Variants in DNAH7 observed in about 807,000 individuals in gnomAD.
The protein encoded by DNAH7 is dynein axonemal heavy chain 7, also known as axonemal beta dynein heavy chain 7.
In DNAH7, 397 loss-of-function variants were observed where a neutral mutation model predicts 444.6. That is an observed-to-expected ratio of 0.89 (90% CI 0.82 to 0.97). The LOEUF is 0.97. Among genes scored for constraint, DNAH7 ranks in the 50% least tolerant of loss-of-function variants. The probability of loss-of-function intolerance (pLI) is 0.00; values close to 1 mark genes in which losing one functional copy is unlikely to be tolerated. For missense variants in DNAH7, 4,902 were observed against 4,800.8 expected, an observed-to-expected ratio of 1.02 and a Z score of -0.62; for synonymous variants, 1,636 against 1,624.4, an observed-to-expected ratio of 1.01 and a Z score of -0.17.
chr2:195,744,219 C>A (rs1169926612), intron 63 of DNAH7, among the ~76,000 whole-genome samples: 4 of 152,250 alleles, frequency 2.6e-5, no homozygotes, highest in African/African-American at 9.6e-5. Flanking sequence ...ATATCCCACA[C>A]CTGGCTCGGA....
In DNAH7 at chr2:195,900,296, C is replaced by T; in HGVS notation, c.4534G>A (p.Ala1512Thr). 1 of 1,613,890 alleles carries T rather than the reference C, an allele frequency of 6.2e-7. No individual in the cohort carries two copies. Among genetic ancestry groups the T allele is most frequent in the Non-Finnish European group, 8.5e-7 (1 of 1,179,832 alleles). Residue 1512 changes from alanine (A) to threonine (T), a missense_variant, in exon 28 of 65, where the codon GCT (alanine) becomes ACT (threonine). Coordinates refer to ENST00000312428, the MANE Select transcript of DNAH7 (RefSeq NM_018897.3). ...GTGTTCTCTACCTTCAGATTCCCAGCAGCAGTAAGAACTGACTTCACGGCT... is the reference window on the plus strand; with the variant it reads ...GTGTTCTCTACCTTCAGATTCCCAGTAGCAGTAAGAACTGACTTCACGGCT... ...MRAVKSVLTA[A>T]GNLKLKYPNE... is the part of the protein sequence containing the mutation.
rs752168210 is a variant in DNAH7, at chr2:195,834,212, T to C, written c.9094A>G (p.Thr3032Ala). ...TAGTTATTCAACTACATACCAGGAGTACCAAACTGGATGCAATTTTCCAGA... is the reference window on the plus strand; with the variant it reads ...TAGTTATTCAACTACATACCAGGAGCACCAAACTGGATGCAATTTTCCAGA... ...RTLENCIQFG[T>A]PVLLENVGEE... Residue 3032 changes from threonine to alanine, a missense_variant, in exon 48 of 65, where the codon ACT becomes GCT. Thr to Ala is a moderately conservative substitution (Grantham distance 58). Coordinates refer to ENST00000312428, the MANE Select transcript of DNAH7 (RefSeq NM_018897.3). The C allele has an allele frequency of 3.7e-6, 6 of 1,604,838 alleles. No individual in the cohort carries two copies. The highest frequency in any genetic ancestry group is 1.1e-5 in the South Asian group (1 of 90,258).
At chr2:195,782,505 T>C (rs1238103735) in intron 58 of DNAH7, among the ~76,000 whole-genome samples, 1 of 152,232 alleles carries the variant, frequency 6.6e-6, no homozygotes, top group Non-Finnish European at 1.5e-5. Flanking sequence ...TAATTATTTA[T>C]CATTTTTTAT....
intron 30 of DNAH7, chr2:195,893,085 T>C (rs1163003742): frequency 2.0e-5 from 3 of 151,088 alleles, no homozygotes; most frequent in Admixed American, 6.6e-5. Context: ...GGACTACACA[T>C]GGCACATGCC....
intron 61 of DNAH7, among the ~76,000 whole-genome samples, chr2:195,768,178 A>AAT (rs1223769172): frequency 1.4e-5 from 2 of 147,774 alleles, no homozygotes; most frequent in Non-Finnish European, 3.0e-5. Context: ...TTATATCTTT[A>AAT]ATATATATAT....
At chr2:195,836,565 A>G (rs1309792971) in intron 47 of DNAH7, among the ~76,000 whole-genome samples, 3 of 152,080 alleles carry the variant, frequency 2.0e-5, no homozygotes, top group Non-Finnish European at 2.9e-5. Context: ...CAACATAAAA[A>G]TTTGGTGGGG....
At chr2:196,044,487 A>G (rs1229218242) in intron 5 of DNAH7, among the ~76,000 whole-genome samples, 2 of 152,142 alleles carry the variant, frequency 1.3e-5, no homozygotes, top group Admixed American at 6.5e-5. Flanking sequence ...CACATTGGGT[A>G]CAGTGTACAC....
intron 24 of DNAH7, among the ~76,000 whole-genome samples, chr2:195,911,104 G>A (rs1286370807): frequency 1.3e-5 from 2 of 152,206 alleles, no homozygotes; most frequent in Non-Finnish European, 2.9e-5. Context: ...AAACAGGAGA[G>A]AGAGATCAGA....
chr2:195,845,469 C>T (rs1698930078), intron 46 of DNAH7, among the ~76,000 whole-genome samples: 1 of 152,160 alleles, frequency 6.6e-6, no homozygotes, highest in Admixed American at 6.5e-5. Context: ...AAGGCTACTC[C>T]TATCAAACTA....
chr2:195,896,332 C>A (rs1445459968), intron 29 of DNAH7, among the ~76,000 whole-genome samples: 2 of 150,138 alleles, frequency 1.3e-5, no homozygotes, highest in Admixed American at 6.6e-5. Context: ...TCTTGTCTTT[C>A]ATTTTCTTAT....
chr2:196,021,910 T>C (rs1274322563), intron 8 of DNAH7, among the ~76,000 whole-genome samples: 1 of 152,114 alleles, frequency 6.6e-6, no homozygotes, highest in East Asian at 1.9e-4. Flanking sequence ...GTGGATCACT[T>C]GAGGTCAAGA....
chr2:195,891,425 T>C (rs1702004994), intron 31 of DNAH7, among the ~76,000 whole-genome samples: 1 of 152,136 alleles, frequency 6.6e-6, no homozygotes, highest in Non-Finnish European at 1.5e-5. Flanking sequence ...CTTTTTTTTT[T>C]TCTACCCTCT....
At chr2:195,743,218 T>C (rs1017955962) in intron 63 of DNAH7, among the ~76,000 whole-genome samples, 8 of 152,246 alleles carry the variant, frequency 5.3e-5, no homozygotes, top group African/African-American at 1.9e-4. Context: ...GGCTGCGCTG[T>C]CTGCTTCCGT....
chr2:196,064,341 AAATAAAT>A (rs772506681), intron 1 of DNAH7, among the ~76,000 whole-genome samples: 10,847 of 36,934 alleles, frequency 0.29, 500 homozygotes, highest in Middle Eastern at 0.5. Context: ...ATAAATAAAT[AAATAAAT>A]AATAAATAAT....
intron 19 of DNAH7, among the ~76,000 whole-genome samples, chr2:195,943,694 C>T (rs775975690): frequency 1.6e-4 from 25 of 152,164 alleles, no homozygotes; most frequent in Non-Finnish European, 7.4e-5. Flanking sequence ...TTTATAGCTA[C>T]ATTAGCCATG....
intron 30 of DNAH7, chr2:195,893,683 A>T (rs1702144298): frequency 1.3e-5 from 2 of 152,252 alleles, no homozygotes; most frequent in Admixed American, 6.5e-5. Context: ...GTCACCAAAG[A>T]AAAGTTTTTA....
chr2:195,844,090 C>T (rs1007977464), intron 47 of DNAH7, among the ~76,000 whole-genome samples: 8 of 130,428 alleles, frequency 6.1e-5, no homozygotes, highest in South Asian at 5.9e-4. Context: ...AGTGAGACTC[C>T]GTCTCAAAAA....
chr2:195,895,090 T>C lies in DNAH7; in HGVS notation c.4782A>G (p.Gln1594=). The C allele has an allele frequency of 1.2e-6, 2 of 1,613,734 alleles. No homozygotes were observed. Among genetic ancestry groups the C allele is most frequent in the Non-Finnish European group, 1.7e-6 (2 of 1,179,756 alleles). Residue 1594 remains glutamine (Q), a synonymous_variant, in exon 30 of 65, where the codon CAA becomes CAG. Transcript: ENST00000312428. ...GACGCACAATCATCATTTCATATAC[T>C]TGAAGAATCTTCTCGGAAAAGAATG... ...MTAFFSEKIL[Q]VYEMMIVRHG...
intron 5 of DNAH7, among the ~76,000 whole-genome samples, chr2:196,039,526 A>G (rs1459789527): frequency 6.6e-6 from 1 of 152,146 alleles, no homozygotes; most frequent in Non-Finnish European, 1.5e-5. Context: ...ATCCAGGTGC[A>G]GTGGTTCACG....
Sources: allele counts gnomAD v4.1 joint callset (sites outside exome capture counted in the v4.1 genomes callset), GRCh38; gene constraint gnomAD v4.1.1; transcripts MANE v1.5; gene names NCBI Gene and HGNC (gene_info 2026-07-23, HGNC 2026-07-21).